Variants in SMAD1 observed in about 807,000 individuals in gnomAD.
SMAD1 encodes MAD, mothers against decapentaplegic homolog 1.
Under a neutral mutation model 41.6 loss-of-function variants are expected in SMAD1, and 6 were observed. That is an observed-to-expected ratio of 0.14 (90% CI 0.08 to 0.28). The LOEUF (loss-of-function observed/expected upper bound fraction) is 0.28. Among genes scored for constraint, SMAD1 ranks in the 10% least tolerant of loss-of-function variants. The pLI, the probability that SMAD1 is intolerant of heterozygous loss-of-function variation, is 1.00. For synonymous variants in SMAD1, 206 were observed against 203.2 expected, an observed-to-expected ratio of 1.01 and a Z score of -0.12; for missense variants, 379 against 582.6, an observed-to-expected ratio of 0.65 and a Z score of 3.60.
chr4:145,521,050 T>C (rs1730716316), intron 2 of SMAD1, among the ~76,000 whole-genome samples: 1 of 152,254 alleles, frequency 6.6e-6, no homozygotes, highest in Non-Finnish European at 1.5e-5. Context: ...TCTGCAAATG[T>C]GTGAATACTT....
chr4:145,547,849 G>A (rs1017071474), intron 5 of SMAD1, among the ~76,000 whole-genome samples: 1 of 152,158 alleles, frequency 6.6e-6, no homozygotes, highest in African/African-American at 2.4e-5. Flanking sequence ...ACGTATGTGT[G>A]TATGCATGGG....
At position 145,557,833 on chromosome 4, in the gene SMAD1, C is replaced by A. The variant is rs1043517752; in HGVS notation, c.1297C>A (p.Pro433Thr). Residue 433 changes from proline to threonine, a missense_variant, in exon 7 of 7, where the codon CCC becomes ACC. This residue lies in a region of SMAD1 where 107 missense variants were observed against 218.3 expected (regional missense o/e 0.49). Transcript: ENST00000302085. Reference sequence around the variant, plus strand: ...CCACCGCCAGGATGTTACTAGCACCCCCTGCTGGATTGAGATACATCTGCA... The same window carrying A: ...CCACCGCCAGGATGTTACTAGCACCACCTGCTGGATTGAGATACATCTGCA... The part of the protein sequence containing the change: ...EYHRQDVTST[P>T]CWIEIHLHGP... 1 of 1,611,652 alleles carries A rather than the reference C, an allele frequency of 6.2e-7. No homozygotes were observed. The highest frequency in any genetic ancestry group is 1.3e-5 in the African/African-American group (1 of 74,828).
chr4:145,505,543 C>T (rs1264473485), intron 1 of SMAD1, among the ~76,000 whole-genome samples: 3 of 151,040 alleles, frequency 2.0e-5, no homozygotes, highest in African/African-American at 7.3e-5. Flanking sequence ...GGTGTGAACC[C>T]AGGAGGTGGA....
intron 1 of SMAD1, among the ~76,000 whole-genome samples, chr4:145,500,827 C>A (rs1408271334): frequency 6.6e-6 from 1 of 152,036 alleles, no homozygotes; most frequent in African/African-American, 2.4e-5. Flanking sequence ...TATTTGTGAA[C>A]CTGCTTTGTT....
chr4:145,483,644 A>G (rs190966849), intron 1 of SMAD1, among the ~76,000 whole-genome samples: 139 of 152,224 alleles, frequency 9.1e-4, no homozygotes, highest in Non-Finnish European at 1.1e-3. Context: ...CCCATTTGCA[A>G]TTATTTGCTA....
intron 1 of SMAD1, among the ~76,000 whole-genome samples, chr4:145,488,904 A>G (rs936211776): frequency 2.6e-5 from 4 of 152,178 alleles, no homozygotes; most frequent in African/African-American, 9.7e-5. Flanking sequence ...TGTACAGACA[A>G]CTCACATCAG....
rs114691882 is a variant in SMAD1, at chr4:145,542,118, T to C, written c.659-464T>C. Among the ~76,000 whole-genome samples, 733 of 152,358 alleles carry C rather than the reference T, an allele frequency of 4.8e-3. 7 individuals carry two copies. Among genetic ancestry groups the C allele is most frequent in the African/African-American group, 0.016 (674 of 41,588 alleles). The stretch of plus-strand genomic sequence containing the variant: ...ATTAACAGTTCAAATCAGTAGGCTA[T>C]AATGAAACTTGGTGAATTTTCTAAA... On this transcript the variant is annotated intron_variant, in intron 3 of 6. Transcript: ENST00000302085.
At chr4:145,516,195 A>G (rs1730376847) in intron 2 of SMAD1, among the ~76,000 whole-genome samples, 1 of 152,090 alleles carries the variant, frequency 6.6e-6, no homozygotes, top group African/African-American at 2.4e-5. Flanking sequence ...ATTCTCATGC[A>G]TGTTTTTATA....
Position 145,539,994 on chromosome 4 carries a change from G to GAGC in SMAD1, c.602_604dup (p.Ser201dup), listed in dbSNP as rs757563919. ...ATAGCAGTTACCCAAACTCTCCTGG[G>GAGC]AGCAGCAGCAGCACCTACCCTCACT... On this transcript the variant is annotated inframe_insertion, in exon 3 of 7. Transcript: ENST00000302085. 3 of 1,614,036 alleles carry GAGC rather than the reference G, an allele frequency of 1.9e-6. No individual in the cohort carries two copies. Among genetic ancestry groups the GAGC allele is most frequent in the East Asian group, 2.2e-5 (1 of 44,874 alleles).
chr4:145,529,522 C>A (rs1461320021), intron 2 of SMAD1, among the ~76,000 whole-genome samples: 1 of 152,174 alleles, frequency 6.6e-6, no homozygotes, highest in East Asian at 1.9e-4. Context: ...CAGCTAAGAC[C>A]GTGGGCTATC....
chr4:145,548,539 T>G (rs1421391704), intron 5 of SMAD1, among the ~76,000 whole-genome samples: 1 of 152,180 alleles, frequency 6.6e-6, no homozygotes, highest in Non-Finnish European at 1.5e-5. Context: ...CTCAGTACGG[T>G]ATTGAATTTT....
chr4:145,544,877 G>A (rs967472184), intron 4 of SMAD1: 1 of 152,154 alleles, frequency 6.6e-6, no homozygotes, highest in African/African-American at 2.4e-5. Context: ...TTAGGAGCAT[G>A]TGGACCCAGT....
At chr4:145,544,641 A>G (rs570470195) in intron 4 of SMAD1, 2 of 151,962 alleles carry the variant, frequency 1.3e-5, no homozygotes, top group African/African-American at 4.8e-5. Context: ...TTGGATGTGC[A>G]GTGTCATAAA....
intron 1 of SMAD1, among the ~76,000 whole-genome samples, chr4:145,485,132 G>A (rs955366099): frequency 3.1e-4 from 47 of 152,114 alleles, no homozygotes; most frequent in African/African-American, 1.1e-3. Flanking sequence ...GCAGTGGCAC[G>A]ATCATGGCTC....
At chr4:145,529,395 G>A (rs889569817) in intron 2 of SMAD1, among the ~76,000 whole-genome samples, 2 of 152,164 alleles carry the variant, frequency 1.3e-5, no homozygotes, top group African/African-American at 4.8e-5. Context: ...AAGACAGAGA[G>A]GGAACTAGGT....
At chr4:145,483,275 C>T (rs530301309) in intron 1 of SMAD1, 1 of 152,218 alleles carries the variant, frequency 6.6e-6, no homozygotes, top group East Asian at 1.9e-4. Flanking sequence ...ACAGAAGTTG[C>T]ATGATTTCTG....
At chr4:145,516,477 C>G (rs968975445) in intron 2 of SMAD1, among the ~76,000 whole-genome samples, 3 of 152,300 alleles carry the variant, frequency 2.0e-5, no homozygotes, top group African/African-American at 7.2e-5. Context: ...TTTCTCCATA[C>G]AGCTCCTGCA....
rs545868601 is a variant in SMAD1, at chr4:145,530,866, A to G, written c.401-8938A>G. Among the ~76,000 whole-genome samples the G allele has an allele frequency of 2.2e-3, 329 of 152,358 alleles. 2 individuals carry two copies. Among genetic ancestry groups the G allele is most frequent in the African/African-American group, 7.5e-3 (314 of 41,590 alleles). ...ACCTTGATTCACATCCTGGCCCTCA[A>G]TTAGCAGCTGTGTGACCTTGCATGG... On this transcript the variant is annotated intron_variant, in intron 2 of 6. Transcript: ENST00000302085.
rs1293120747 is a variant in SMAD1 at position 145,482,833 on chromosome 4, T to C, written c.-177+795T>C. 6.6e-6 allele frequency: 1 copy of C among 152,252 alleles called. No individual in the cohort carries two copies. The highest frequency in any genetic ancestry group is 1.9e-4 in the East Asian group (1 of 5,196). 9.4% of individuals were successfully genotyped at this position (152,252 alleles called of 1,614,324 possible). On this transcript the variant is annotated intron_variant, in intron 1 of 6. Coordinates refer to ENST00000302085, the MANE Select transcript of SMAD1 (RefSeq NM_005900.3). The surrounding 1 kb of genome is among the most constrained non-coding windows in gnomAD (Gnocchi z 4.2). The stretch of plus-strand genomic sequence containing the variant: ...TGCATGTGTATTCGTGAGTTCGCGG[T>C]TGAACAACTGTTCCTTTACTCTGCT...
Sources: allele counts gnomAD v4.1 joint callset (sites outside exome capture counted in the v4.1 genomes callset), GRCh38; gene constraint gnomAD v4.1.1; regional missense constraint gnomAD v4.1.1; non-coding constraint Gnocchi (gnomAD v3.1); transcripts MANE v1.5; gene names NCBI Gene and HGNC (gene_info 2026-07-23, HGNC 2026-07-21).